Variants in TRPC4 observed in about 807,000 individuals in gnomAD.
TRPC4 encodes transient receptor potential cation channel subfamily C member 4.
TRPC4 carries 49 observed loss-of-function variants against 99.4 expected under a neutral mutation model. The observed-to-expected ratio is 0.49, with a 90% CI of 0.39 to 0.63. The LOEUF (loss-of-function observed/expected upper bound fraction) is 0.63, where lower values mean the gene tolerates loss of function less well. Among genes scored for constraint, TRPC4 ranks in the 20% least tolerant of loss-of-function variants. The pLI is 0.00. For missense variants in TRPC4, 898 were observed against 1,152.9 expected (o/e 0.78, Z 3.20); for synonymous variants, 454 against 425.9 (o/e 1.07, Z -0.81).
At chr13:37,702,637 A>T (rs1954137135) in intron 3 of TRPC4, among the ~76,000 whole-genome samples, 1 of 152,092 alleles carries the variant, frequency 6.6e-6, no homozygotes, top group South Asian at 2.1e-4. Context: ...ATATTTTAAA[A>T]TTTTCTTATT....
intron 3 of TRPC4, among the ~76,000 whole-genome samples, chr13:37,696,958 T>A (rs1953924297): frequency 6.7e-6 from 1 of 149,858 alleles, no homozygotes; most frequent in Non-Finnish European, 1.5e-5. Context: ...ATCTCCTACA[T>A]CCCTCATGGT....
chr13:37,747,631 A>C (rs1955823129), intron 2 of TRPC4, among the ~76,000 whole-genome samples: 1 of 152,204 alleles, frequency 6.6e-6, no homozygotes, highest in African/African-American at 2.4e-5. Flanking sequence ...ACACTTCATT[A>C]ATGCTACTTT....
chr13:37,810,118 A>G (rs2139469656), intron 1 of TRPC4, among the ~76,000 whole-genome samples: 1 of 152,208 alleles, frequency 6.6e-6, no homozygotes, highest in African/African-American at 2.4e-5. Context: ...TTTTACAATG[A>G]TGGTTTGTAA....
rs763344584 is a variant in TRPC4, at chr13:37,746,356, G to A, written c.478C>T (p.Leu160Phe). Reference sequence around the variant, plus strand: ...ACTGAGACTCCTTTCTGAACCAAGAGTTTTATTATCTCATAATTATTTGTA... The same window carrying A: ...ACTGAGACTCCTTTCTGAACCAAGAATTTTATTATCTCATAATTATTTGTA... Reference protein sequence around the residue: ...AHTNNYEIIKLLVQKGVSVPR... With the variant: ...AHTNNYEIIKFLVQKGVSVPR... The change falls in exon 3 of 11, where the codon CTC becomes TTC. Residue 160 changes from leucine to phenylalanine, a missense_variant. By Grantham distance (22) the Leu-to-Phe change is conservative. Transcript: ENST00000379705. 1.2e-6 allele frequency: 2 copies of A among 1,613,524 alleles called. No individual in the cohort carries two copies. Among genetic ancestry groups the A allele is most frequent in the African/African-American group, 1.3e-5 (1 of 74,934 alleles).
chr13:37,737,824 G>C (rs544680227), intron 3 of TRPC4, among the ~76,000 whole-genome samples: 2 of 152,184 alleles, frequency 1.3e-5, no homozygotes, highest in Non-Finnish European at 2.9e-5. Context: ...AGAGAGATGA[G>C]TTACTTGATA....
intron 2 of TRPC4, among the ~76,000 whole-genome samples, chr13:37,771,884 C>G (rs1956558920): frequency 6.6e-6 from 1 of 151,602 alleles, no homozygotes; most frequent in African/African-American, 2.4e-5. Context: ...CAATTGATGA[C>G]AGATTCCAGA....
In TRPC4 at chr13:37,637,631, T is replaced by A. The variant is rs758030354; in HGVS notation, c.2212-6A>T. On this transcript the variant is annotated splice_region_variant and splice_polypyrimidine_tract_variant and intron_variant, in intron 10 of 10. Transcript: ENST00000379705. ...GAAATGTCTTGCTTTAGTTCCTACG[T>A]AGAATTTAAAATGAAAAATTCGGTT... 2 of 1,556,986 alleles carry A rather than the reference T, an allele frequency of 1.3e-6. No individual in the cohort carries two copies. The highest frequency in any genetic ancestry group is 8.6e-7 in the Non-Finnish European group (1 of 1,157,158).
At chr13:37,638,899 T>C in intron 10 of TRPC4, 141 bp downstream of exon 10, 16 of 779,624 alleles carry the variant, frequency 2.1e-5, no homozygotes, top group South Asian at 1.8e-4. Context: ...TACAGTTCTG[T>C]AGGGTTTCAG....
chr13:37,727,595 G>A (rs1458022899), intron 3 of TRPC4, among the ~76,000 whole-genome samples: 1 of 151,838 alleles, frequency 6.6e-6, no homozygotes, highest in African/African-American at 2.4e-5. Flanking sequence ...ATAGAAAACA[G>A]AGACAATCAA....
chr13:37,782,771 C>A (rs562142970), intron 2 of TRPC4, among the ~76,000 whole-genome samples, 185 bp downstream of exon 2: 1 of 150,876 alleles, frequency 6.6e-6, no homozygotes, highest in Non-Finnish European at 1.5e-5. Context: ...GTGGACGTAA[C>A]TATCATAGGA....
At chr13:37,848,364 T>G (rs1291794748) in intron 1 of TRPC4, among the ~76,000 whole-genome samples, 1 of 152,078 alleles carries the variant, frequency 6.6e-6, no homozygotes, top group East Asian at 1.9e-4. Flanking sequence ...AACTTTAATA[T>G]AAAAACCATT....
At chr13:37,795,466 T>C (rs1265838569) in intron 1 of TRPC4, among the ~76,000 whole-genome samples, 1 of 152,104 alleles carries the variant, frequency 6.6e-6, no homozygotes, top group Non-Finnish European at 1.5e-5. Flanking sequence ...TGAGCAATGT[T>C]TTTGGAGGAT....
intron 1 of TRPC4, among the ~76,000 whole-genome samples, chr13:37,848,980 T>C (rs1958986299): frequency 1.3e-5 from 2 of 152,184 alleles, no homozygotes; most frequent in South Asian, 2.1e-4. Context: ...CTGCAGATGG[T>C]ACCCTACAGC....
At chr13:37,770,165 C>CAAATATGACTGAAAATTTATATGAT (rs1956508505) in intron 2 of TRPC4, among the ~76,000 whole-genome samples, 3 of 151,234 alleles carry the variant, frequency 2.0e-5, no homozygotes, top group Admixed American at 6.6e-5. Context: ...ATAAATATGA[C>CAAATATGACTGAAAATTTATATGAT]AAATATGACT....
intron 8 of TRPC4, among the ~76,000 whole-genome samples, chr13:37,644,038 G>A (rs1593419584): frequency 1.3e-5 from 2 of 152,004 alleles, no homozygotes; most frequent in Admixed American, 1.3e-4. Context: ...TATGTATAGG[G>A]GATTAGGACT....
intron 2 of TRPC4, among the ~76,000 whole-genome samples, chr13:37,752,991 C>T (rs993583506): frequency 6.7e-5 from 10 of 149,122 alleles, no homozygotes; most frequent in African/African-American, 1.5e-4. Flanking sequence ...CACACACACA[C>T]GCACACACAC....
chr13:37,854,789 C>T (rs1001030413), intron 1 of TRPC4: 2 of 151,918 alleles, frequency 1.3e-5, no homozygotes, highest in African/African-American at 2.4e-5. Context: ...TAAATCATAA[C>T]ACCATAGAAA....
chr13:37,846,323 T>C (rs1958897170), intron 1 of TRPC4, among the ~76,000 whole-genome samples: 2 of 152,174 alleles, frequency 1.3e-5, no homozygotes, highest in African/African-American at 4.8e-5. Flanking sequence ...AAAGCAACTT[T>C]ATCTCTACTA....
rs548521757 is a variant in TRPC4 at position 37,732,557 on chromosome 13, C to A, written c.897+13380G>T. On this transcript the variant is annotated intron_variant, in intron 3 of 10. Transcript: ENST00000379705. ...TGTTCAACGACGACATGTCTTACAGCTAGAAAACCATAAAGGCTTCACAAA... is the reference window on the plus strand; with the variant it reads ...TGTTCAACGACGACATGTCTTACAGATAGAAAACCATAAAGGCTTCACAAA... Among the ~76,000 whole-genome samples, 20 of 152,194 alleles carry A rather than the reference C, an allele frequency of 1.3e-4. No individual in the cohort carries two copies. The South Asian group carries it at 4.1e-3, about 32-fold the overall frequency.
Sources: gnomAD v4.1 joint callset for allele counts (sites outside exome capture counted in the v4.1 genomes callset) on GRCh38, gnomAD v4.1.1 for gene constraint, MANE v1.5 for transcripts, NCBI Gene and HGNC (gene_info 2026-07-23, HGNC 2026-07-21) for gene names.